RORA: variants seen among roughly 807,000 people sequenced by gnomAD.
The protein encoded by RORA is RAR related orphan receptor A, also known as nuclear receptor ROR-alpha.
A neutral mutation model predicts 69.5 loss-of-function variants in RORA; 7 were observed. That is an observed-to-expected ratio of 0.10 (90% CI 0.06 to 0.19). The LOEUF is 0.19. Ranked by LOEUF, RORA falls within the 10% of genes least tolerant of loss-of-function variation. The pLI is 1.00. For missense variants in RORA, 457 were observed against 663.0 expected (o/e 0.69, Z 3.41); for synonymous variants, 261 against 240.8 (o/e 1.08, Z -0.78).
At chr15:61,017,106 T>G (rs1474983106) in intron 1 of RORA, among the ~76,000 whole-genome samples, 2 of 152,216 alleles carry the variant, frequency 1.3e-5, no homozygotes, top group Admixed American at 1.3e-4. Flanking sequence ...CTTTTCCAAG[T>G]TGAATATATC....
chr15:60,888,643 G>A (rs2073778341), intron 1 of RORA, among the ~76,000 whole-genome samples: 1 of 152,212 alleles, frequency 6.6e-6, no homozygotes, highest in Non-Finnish European at 1.5e-5. Flanking sequence ...TCTGGGCACA[G>A]TGTGGCCGAT....
At chr15:61,006,064 G>T (rs538091919) in intron 1 of RORA, among the ~76,000 whole-genome samples, 68 of 152,246 alleles carry the variant, frequency 4.5e-4, no homozygotes, top group African/African-American at 1.5e-3. Context: ...CACCTCCTGG[G>T]TTCAAGCGGT....
intron 2 of RORA, among the ~76,000 whole-genome samples, chr15:60,667,939 A>G (rs888762298): frequency 2.7e-5 from 4 of 147,270 alleles, no homozygotes; most frequent in African/African-American, 1.0e-4. Context: ...GTATGATTCT[A>G]TTTTTTTTTT....
chr15:60,590,653 C>T (rs901743878), intron 2 of RORA, among the ~76,000 whole-genome samples: 3 of 151,544 alleles, frequency 2.0e-5, no homozygotes, highest in African/African-American at 7.3e-5. Flanking sequence ...AGACGTTTCA[C>T]ACTTACAGGG....
intron 1 of RORA, among the ~76,000 whole-genome samples, chr15:60,872,805 C>G (rs542790706): frequency 2.0e-4 from 30 of 150,896 alleles, no homozygotes; most frequent in African/African-American, 7.2e-4. Context: ...CATCTGCCCC[C>G]CTGGCTCATC....
chr15:60,644,045 TA>T (rs951089075), intron 2 of RORA, among the ~76,000 whole-genome samples: 5 of 148,636 alleles, frequency 3.4e-5, no homozygotes, highest in Admixed American at 6.7e-5. Context: ...CCACTGGGAT[TA>T]AAAAAAAAAG....
chr15:60,645,303 G>A (rs2070019625), intron 2 of RORA, among the ~76,000 whole-genome samples: 1 of 151,570 alleles, frequency 6.6e-6, no homozygotes, highest in Admixed American at 6.6e-5. Flanking sequence ...GGATGAGAGT[G>A]GCAAAAAGGA....
At chr15:61,034,509 G>C (rs1896352208) in intron 1 of RORA, among the ~76,000 whole-genome samples, 3 of 152,106 alleles carry the variant, frequency 2.0e-5, no homozygotes, top group Admixed American at 2.0e-4. Context: ...CCATCCAAAA[G>C]TTATAGCTTA....
intron 2 of RORA, among the ~76,000 whole-genome samples, chr15:60,637,094 T>C (rs967820093): frequency 1.3e-5 from 2 of 152,104 alleles, no homozygotes; most frequent in African/African-American, 4.8e-5. Flanking sequence ...AATAATCTAC[T>C]GGAAGTAGGA....
At chr15:60,846,584 C>G (rs2073267950) in intron 1 of RORA, among the ~76,000 whole-genome samples, 1 of 152,196 alleles carries the variant, frequency 6.6e-6, no homozygotes, top group African/African-American at 2.4e-5. Flanking sequence ...AGCACCAAAG[C>G]ACTCACAGAA....
chr15:61,096,830 T>C (rs539135310), intron 1 of RORA, among the ~76,000 whole-genome samples: 1 of 152,298 alleles, frequency 6.6e-6, no homozygotes, highest in East Asian at 1.9e-4. Context: ...GTGATACATT[T>C]CCCATCGTGC....
intron 1 of RORA, among the ~76,000 whole-genome samples, chr15:61,169,300 T>C (rs2079565161): frequency 6.6e-6 from 1 of 152,092 alleles, no homozygotes; most frequent in South Asian, 2.1e-4. Context: ...CTGGCGTCTT[T>C]TAAGGCCCTG....
intron 1 of RORA, among the ~76,000 whole-genome samples, chr15:60,919,899 C>T (rs1200321232): frequency 6.6e-6 from 1 of 152,106 alleles, no homozygotes. Flanking sequence ...TAATCAATAA[C>T]AAATAAACAA....
intron 1 of RORA, among the ~76,000 whole-genome samples, chr15:61,079,816 G>T (rs2078512086): frequency 6.6e-6 from 1 of 152,196 alleles, no homozygotes; most frequent in Admixed American, 6.5e-5. Context: ...ACTCTTGGGT[G>T]GTGGTGGTGA....
intron 2 of RORA, among the ~76,000 whole-genome samples, chr15:60,569,768 A>C (rs968211769): frequency 2.0e-5 from 3 of 152,228 alleles, no homozygotes; most frequent in Non-Finnish European, 4.4e-5. Context: ...GGTTTTGAGT[A>C]AGTTAAACCT....
At chr15:61,175,026 C>T (rs1239685949) in intron 1 of RORA, among the ~76,000 whole-genome samples, 1 of 152,112 alleles carries the variant, frequency 6.6e-6, no homozygotes, top group Non-Finnish European at 1.5e-5. Flanking sequence ...TAACAAGAGC[C>T]TCATGATTTC....
intron 1 of RORA, among the ~76,000 whole-genome samples, chr15:60,812,423 T>C (rs1176292400): frequency 1.3e-5 from 2 of 152,122 alleles, no homozygotes; most frequent in African/African-American, 4.8e-5. Flanking sequence ...GGTGGAAGAA[T>C]TGCTATAGCC....
At chr15:60,850,053 A>G (rs1195330358) in intron 1 of RORA, among the ~76,000 whole-genome samples, 1 of 152,174 alleles carries the variant, frequency 6.6e-6, no homozygotes, top group African/African-American at 2.4e-5. Context: ...CCCTGTGGTC[A>G]TTTTAACAAG....
intron 1 of RORA, among the ~76,000 whole-genome samples, chr15:61,072,368 T>C (rs1028560560): frequency 2.0e-5 from 3 of 152,348 alleles, no homozygotes; most frequent in African/African-American, 7.2e-5. Context: ...GTAATGATTT[T>C]AGAACATGGG....
Sources: allele counts gnomAD v4.1 joint callset (sites outside exome capture counted in the v4.1 genomes callset), GRCh38; gene constraint gnomAD v4.1.1; transcripts MANE v1.5; gene names NCBI Gene and HGNC (gene_info 2026-07-23, HGNC 2026-07-21).